KRT19: variants seen among roughly 807,000 people sequenced by gnomAD.
KRT19 encodes the protein keratin 19.
Under a neutral mutation model 34.6 loss-of-function variants are expected in KRT19, and 21 were observed. That is an observed-to-expected ratio of 0.61 (90% CI 0.43 to 0.87). The LOEUF (loss-of-function observed/expected upper bound fraction) is 0.87. Among genes scored for constraint, KRT19 ranks in the 40% least tolerant of loss-of-function variants. The pLI is 0.00. For synonymous variants in KRT19, 240 were observed against 245.8 expected (o/e 0.98, Z 0.22); for missense variants, 514 against 545.7 (o/e 0.94, Z 0.58).
At chr17:41,524,707 G>A in intron 3 of KRT19, 136 bp downstream of exon 3, 1 of 1,246,132 alleles carries the variant, frequency 8.0e-7, no homozygotes, top group South Asian at 1.4e-5. Flanking sequence ...TTGGAACCCT[G>A]GGATCCATGA....
chr17:41,527,330 T>C (rs778459371), intron 1 of KRT19, among the ~76,000 whole-genome samples: 5 of 152,182 alleles, frequency 3.3e-5, no homozygotes, highest in Non-Finnish European at 5.9e-5. Flanking sequence ...CTGAGAGGGA[T>C]GAACACTAGA....
intron 3 of KRT19, 87 bp from the exon 4 acceptor site, chr17:41,524,627 G>A: frequency 6.8e-7 from 1 of 1,477,856 alleles, no homozygotes; most frequent in Non-Finnish European, 9.4e-7. Flanking sequence ...TCAGGCTAAA[G>A]GGGCTTAGTT....
intron 4 of KRT19, 40 bp from the exon 5 acceptor site, chr17:41,524,308 G>T: frequency 6.2e-7 from 1 of 1,611,912 alleles, no homozygotes; most frequent in Non-Finnish European, 8.5e-7. Context: ...CATTGAGTCA[G>T]ACCTTCGCGT....
intron 1 of KRT19, among the ~76,000 whole-genome samples, chr17:41,527,444 A>G (rs1043426444): frequency 4.6e-5 from 7 of 152,198 alleles, no homozygotes; most frequent in Admixed American, 4.6e-4. Context: ...AAACTCTCGC[A>G]TCTTCCTGCG....
intron 1 of KRT19, 166 bp from the exon 2 acceptor site, chr17:41,525,439 C>G (rs2144535351): frequency 1.6e-6 from 1 of 628,258 alleles, no homozygotes; most frequent in Non-Finnish European, 2.9e-6. Context: ...GGAGGCCTTG[C>G]AAACAGTCCA....
In KRT19 at chr17:41,523,767, AT is replaced by A; in HGVS notation, c.1178del (p.Asn393IlefsTer26). 1 of 1,613,794 alleles carries A rather than the reference AT, an allele frequency of 6.2e-7. No homozygotes were observed. Among genetic ancestry groups the A allele is most frequent in the Non-Finnish European group, 8.5e-7 (1 of 1,179,922 alleles). ...CTCAGAGGACCTTGGAGGCAGACAA[AT>A]TGTTGTAGTGATCTTCCTGTCCCTC... ...LLEGQEDHYN[N>X]LSASKVL is the part of the protein sequence containing the mutation. On this transcript the variant is annotated frameshift_variant, in exon 6 of 6. Transcript: ENST00000361566. LOFTEE classifies it high-confidence loss of function.
chr17:41,526,540 C>T (rs898176802), intron 1 of KRT19, among the ~76,000 whole-genome samples: 3 of 148,598 alleles, frequency 2.0e-5, no homozygotes, highest in Admixed American at 6.7e-5. Flanking sequence ...GCAAGGCACA[C>T]GCCACCATGC....
chr17:41,524,990 C>T lies in KRT19; in HGVS notation c.513G>A (p.Thr171=), dbSNP rs368598582. Residue 171 remains threonine, a synonymous_variant, in exon 3 of 6, where the codon ACG becomes ACA. Transcript: ENST00000361566. ...CCACGCTCATGCGCAGAGCCTGTTC[C>T]GTCTCAAACCTTTCAAAGGAAATAG... ...AADDFRTKFE[T]EQALRMSVEA... is the part of the protein sequence containing the mutation. 3.0e-5 allele frequency: 48 copies of T among 1,613,128 alleles called. No individual in the cohort carries two copies. Among genetic ancestry groups the T allele is most frequent in the Non-Finnish European group, 3.9e-5 (46 of 1,179,330 alleles).
At position 41,524,873 on chromosome 17, in the gene KRT19, C is replaced by A. The variant is rs777261971; in HGVS notation, c.630G>T (p.Glu210Asp). ...LEMQIEGLKE[E>D]LAYLKKNHEE... ...CATGGTTCTTCTTCAGGTAGGCCAG[C>A]TCTTCCTTCAGGCCTTCGATCTGCA... Residue 210 changes from glutamate (E) to aspartate (D), a missense_variant, in exon 3 of 6, where the codon GAG (glutamate) becomes GAT (aspartate). Transcript: ENST00000361566. 1 of 1,614,166 alleles carries A rather than the reference C, an allele frequency of 6.2e-7. No homozygotes were observed. The highest frequency in any genetic ancestry group is 1.1e-5 in the South Asian group (1 of 91,084).
At chr17:41,525,087 G>T (rs960875952) in intron 2 of KRT19, 88 bp from the exon 3 acceptor site, 6 of 1,581,684 alleles carry the variant, frequency 3.8e-6, no homozygotes, top group Middle Eastern at 1.7e-4. Context: ...GAGTCCATAG[G>T]GGGGTTAGCT....
rs770396504 is a variant in KRT19, at chr17:41,523,831, C to G, written c.1115G>C (p.Arg372Pro). ...EYQRLMDIKS[R>P]LEQEIATYRS... ...GTAGGTGGCAATCTCCTGCTCCAGCCGCGACTTGATGTCCATGAGCCGCTG... is the reference window on the plus strand; with the variant it reads ...GTAGGTGGCAATCTCCTGCTCCAGCGGCGACTTGATGTCCATGAGCCGCTG... The change falls in exon 6 of 6, where the codon CGG becomes CCG. Residue 372 changes from arginine to proline, a missense_variant. Arg to Pro is a moderately radical substitution (Grantham distance 103). Transcript: ENST00000361566. 1 of 1,613,842 alleles carries G rather than the reference C, an allele frequency of 6.2e-7. No individual in the cohort carries two copies. The highest frequency in any genetic ancestry group is 1.7e-5 in the Admixed American group (1 of 60,006).
intron 1 of KRT19, among the ~76,000 whole-genome samples, chr17:41,527,136 C>A (rs1905892751): frequency 9.4e-6 from 1 of 106,438 alleles, no homozygotes; most frequent in Non-Finnish European, 2.1e-5. Flanking sequence ...CTTAGGGTTC[C>A]CCTGTAAGAG....
At position 41,525,423 on chromosome 17, in the gene KRT19, T is replaced by G. The variant is rs1196260587; in HGVS notation, c.421-150A>C. 37 of 670,184 alleles carry G rather than the reference T, an allele frequency of 5.5e-5. No individual in the cohort carries two copies. The Admixed American group carries it at 7.9e-4, about 14-fold the overall frequency. 41.5% of individuals were successfully genotyped at this position (670,184 alleles called of 1,614,324 possible). A position where few individuals can be genotyped will look rare whatever the true frequency, so the allele number is the denominator to read the frequency against. On this transcript the variant is annotated intron_variant, in intron 1 of 5. Transcript: ENST00000361566. ...CAGCATCTGCCGCCCATTGGCCCGC[T>G]CTCTGGGAGGCCTTGCAAACAGTCC...
At chr17:41,527,755 A>C in intron 1 of KRT19, 73 bp downstream of exon 1, 2 of 1,481,794 alleles carry the variant, frequency 1.3e-6, no homozygotes, top group Admixed American at 4.7e-5. Flanking sequence ...CCCGCCTGGA[A>C]CCTCGCCCGG....
In KRT19 at chr17:41,525,553, T is replaced by C. The variant is rs1222187681; in HGVS notation, c.421-280A>G. Reference sequence around the variant, plus strand: ...GGAAATCTCTGAGACCTGTGTGCAATGAAACTCTAAATGGCCTGAAGGGGG... The same window carrying C: ...GGAAATCTCTGAGACCTGTGTGCAACGAAACTCTAAATGGCCTGAAGGGGG... On this transcript the variant is annotated intron_variant, in intron 1 of 5. Transcript: ENST00000361566. 5 of 446,336 alleles carry C rather than the reference T, an allele frequency of 1.1e-5. No homozygotes were observed. In the Admixed American group the frequency reaches 1.8e-4, roughly 16 times the overall value. 27.6% of individuals were successfully genotyped at this position (446,336 alleles called of 1,614,324 possible).
Position 41,524,144 on chromosome 17 carries a change from A to C in KRT19, c.947T>G (p.Met316Arg), listed in dbSNP as rs149165669. 2.3e-3 allele frequency: 3,668 copies of C among 1,613,600 alleles called. 20 individuals carry two copies. The highest frequency in any genetic ancestry group is 9.1e-3 in the South Asian group (832 of 91,018). Residue 316 changes from methionine (M) to arginine (R), a missense_variant and splice_region_variant, in exon 5 of 6, where the codon ATG (methionine) becomes AGG (arginine). By Grantham distance (91) the Met-to-Arg change is moderately conservative. Coordinates refer to ENST00000361566, the MANE Select transcript of KRT19 (RefSeq NM_002276.5). Reference sequence around the variant, plus strand: ...CGGCGGCGGTGGGGGGACACATACCATGCTCAGCTGTGACTGCAGCTCAAT... The same window carrying C: ...CGGCGGCGGTGGGGGGACACATACCCTGCTCAGCTGTGACTGCAGCTCAAT... The part of the protein sequence containing the change: ...LEIELQSQLS[M>R]KAALEDTLAE...
At position 41,528,227 on chromosome 17, in the gene KRT19, G is replaced by A; in HGVS notation, c.21C>T (p.Arg7=). MTSYSY[R]QSSATSSFGG... ...CGAAGGACGACGTGGCCGACGACTGGCGATAGCTGTAGGAAGTCATGGCGA... is the reference window on the plus strand; with the variant it reads ...CGAAGGACGACGTGGCCGACGACTGACGATAGCTGTAGGAAGTCATGGCGA... The change falls in exon 1 of 6, where the codon CGC becomes CGT. Residue 7 remains arginine, a synonymous_variant. Coordinates refer to ENST00000361566, the MANE Select transcript of KRT19 (RefSeq NM_002276.5). The A allele has an allele frequency of 6.3e-7, 1 of 1,574,914 alleles. No individual in the cohort carries two copies. Among genetic ancestry groups the A allele is most frequent in the Non-Finnish European group, 8.6e-7 (1 of 1,169,138 alleles).
intron 2 of KRT19, 44 bp downstream of exon 2, chr17:41,525,147 A>G: frequency 6.4e-7 from 1 of 1,574,474 alleles, no homozygotes; most frequent in Non-Finnish European, 8.7e-7. Flanking sequence ...CCCAACCCCT[A>G]CCCCAGTCCT....
Position 41,524,873 on chromosome 17 carries a change from C to G in KRT19, c.630G>C (p.Glu210Asp), listed in dbSNP as rs777261971. The change falls in exon 3 of 6, where the codon GAG (glutamate) becomes GAC (aspartate). Residue 210 changes from glutamate to aspartate, a missense_variant. By Grantham distance (45) the Glu-to-Asp change is conservative (BLOSUM62 2). Transcript: ENST00000361566. Reference sequence around the variant, plus strand: ...CATGGTTCTTCTTCAGGTAGGCCAGCTCTTCCTTCAGGCCTTCGATCTGCA... The same window carrying G: ...CATGGTTCTTCTTCAGGTAGGCCAGGTCTTCCTTCAGGCCTTCGATCTGCA... ...LEMQIEGLKE[E>D]LAYLKKNHEE... is the part of the protein sequence containing the mutation. 1 of 1,614,166 alleles carries G rather than the reference C, an allele frequency of 6.2e-7. No homozygotes were observed. The highest frequency in any genetic ancestry group is 8.5e-7 in the Non-Finnish European group (1 of 1,180,036).
Sources: gnomAD v4.1 joint callset for allele counts (sites outside exome capture counted in the v4.1 genomes callset) on GRCh38, gnomAD v4.1.1 for gene constraint, MANE v1.5 for transcripts, NCBI Gene and HGNC (gene_info 2026-07-23, HGNC 2026-07-21) for gene names.